SNX19: variants seen among roughly 807,000 people sequenced by gnomAD.
SNX19 encodes sorting nexin 19.
Under a neutral mutation model 85.2 loss-of-function variants are expected in SNX19, and 60 were observed. The observed-to-expected ratio is 0.70, with a 90% CI of 0.57 to 0.87. The LOEUF is 0.87. SNX19 is among the 40% of genes least tolerant of loss of function. The pLI, the probability that SNX19 is intolerant of heterozygous loss-of-function variation, is 0.00. For missense variants in SNX19, 1,201 were observed against 1,217.8 expected (o/e 0.99, Z 0.21); for synonymous variants, 520 against 470.0 (o/e 1.11, Z -1.38).
rs934876908 is a variant in SNX19, at chr11:130,867,095, T to C, written c.*11327A>G. 2 of 152,222 alleles carry C rather than the reference T, an allele frequency of 1.3e-5. No homozygotes were observed. The highest frequency in any genetic ancestry group is 2.1e-4 in the South Asian group (1 of 4,830). 9.4% of individuals were successfully genotyped at this position (152,222 alleles called of 1,614,324 possible). On this transcript the variant is annotated 3_prime_UTR_variant, in exon 11 of 11. Coordinates refer to ENST00000265909, the MANE Select transcript of SNX19 (RefSeq NM_014758.3). ...TGGTTGGTTGTCGGCATAACCCATG[T>C]TCTTAATCCCCGTGCTGCTGCCTCC... is the stretch of plus-strand genomic sequence containing the variant.
At chr11:130,891,104 G>T (rs7119794) in intron 8 of SNX19, among the ~76,000 whole-genome samples, 90,977 of 152,008 alleles carry the variant, frequency 0.6, 27,654 homozygotes, top group South Asian at 0.73. Flanking sequence ...CATGCTTACA[G>T]AGGAAGACAA....
At chr11:130,913,501 T>C (rs1592380221) in intron 1 of SNX19, among the ~76,000 whole-genome samples, 1 of 152,360 alleles carries the variant, frequency 6.6e-6, no homozygotes, top group East Asian at 1.9e-4. Flanking sequence ...AGGAAGGTCT[T>C]TTCCCTCTTA....
intron 5 of SNX19, 51 bp from the exon 6 acceptor site, chr11:130,906,772 C>T (rs376609697): frequency 8.3e-5 from 106 of 1,283,776 alleles, no homozygotes; most frequent in Non-Finnish European, 1.1e-4. Flanking sequence ...GGCCTTGAGC[C>T]TCACACTAAG....
At chr11:130,898,469 G>A (rs1025772410) in intron 8 of SNX19, among the ~76,000 whole-genome samples, 1 of 152,110 alleles carries the variant, frequency 6.6e-6, no homozygotes, top group Admixed American at 6.5e-5. Flanking sequence ...TTTTAAGCAC[G>A]GAACTTAAAG....
At chr11:130,899,081 C>A (rs1187181300) in intron 8 of SNX19, among the ~76,000 whole-genome samples, 5 of 152,160 alleles carry the variant, frequency 3.3e-5, no homozygotes, top group Admixed American at 3.3e-4. Flanking sequence ...GGTCATAGTA[C>A]CGCTTTCGCA....
At chr11:130,912,586 G>A (rs531546518) in intron 1 of SNX19, among the ~76,000 whole-genome samples, 129 of 152,254 alleles carry the variant, frequency 8.5e-4, no homozygotes, top group African/African-American at 2.7e-3. Flanking sequence ...ATTATTTTTC[G>A]GTTGAGGTAT....
rs563125994 is a variant in SNX19, at chr11:130,889,197, A to G, written c.2574-8391T>C. 3.9e-5 allele frequency among the ~76,000 whole-genome samples: 6 copies of G among 152,112 alleles called. No individual in the cohort carries two copies. In the South Asian group the frequency reaches 1.2e-3, roughly 32 times the overall value. ...GGACCCTGTTCTTACTAGTTCTATT[A>G]CTACTATTTTTGCATTGTTCAGTAT... On this transcript the variant is annotated intron_variant, in intron 8 of 10. Transcript: ENST00000265909.
At chr11:130,901,731 G>T (rs902038476) in intron 8 of SNX19, 1 of 152,084 alleles carries the variant, frequency 6.6e-6, no homozygotes, top group Non-Finnish European at 1.5e-5. Flanking sequence ...GTTACCTAGA[G>T]CCCCAGTATA....
At chr11:130,899,237 C>T (rs547083068) in intron 8 of SNX19, among the ~76,000 whole-genome samples, 51 of 152,260 alleles carry the variant, frequency 3.3e-4, no homozygotes, top group African/African-American at 1.1e-3. Flanking sequence ...CTGATGCTGA[C>T]GAGATTATCA....
rs568995852 is a variant in SNX19, at chr11:130,900,056, G to C, written c.2573+3199C>G. On this transcript the variant is annotated intron_variant, in intron 8 of 10. Coordinates refer to ENST00000265909, the MANE Select transcript of SNX19 (RefSeq NM_014758.3). Reference sequence around the variant, plus strand: ...TCACCAGACTTTACCCAGCTCACTGGAGTTGTGGTTGTAGTTGGGGAGTGT... The same window carrying C: ...TCACCAGACTTTACCCAGCTCACTGCAGTTGTGGTTGTAGTTGGGGAGTGT... Among the ~76,000 whole-genome samples, 90 of 152,342 alleles carry C rather than the reference G, an allele frequency of 5.9e-4. 1 individual carries two copies. Among genetic ancestry groups the C allele is most frequent in the African/African-American group, 1.1e-3 (46 of 41,580 alleles).
chr11:130,884,727 G>C (rs1221378917), intron 8 of SNX19, among the ~76,000 whole-genome samples: 1 of 151,794 alleles, frequency 6.6e-6, no homozygotes, highest in Non-Finnish European at 1.5e-5. Context: ...AAAATTAGCT[G>C]GGCACGGTGG....
chr11:130,902,427 T>C (rs1481438968), intron 8 of SNX19, among the ~76,000 whole-genome samples: 1 of 152,238 alleles, frequency 6.6e-6, no homozygotes, highest in African/African-American at 2.4e-5. Context: ...TTCTTTTTTA[T>C]AAGGATGTAT....
chr11:130,893,857 T>C (rs1944677946), intron 8 of SNX19: 1 of 701,128 alleles, frequency 1.4e-6, no homozygotes, highest in South Asian at 1.5e-5. Flanking sequence ...AGAGCTAAAG[T>C]ATATTTCCCA....
chr11:130,878,662 A>T, intron 10 of SNX19, 108 bp from the exon 11 acceptor site: 1 of 1,324,584 alleles, frequency 7.5e-7, no homozygotes, highest in Non-Finnish European at 1.0e-6. Context: ...CTAAACTTCA[A>T]TAGCTTGATG....
At chr11:130,896,050 A>G (rs1944853835) in intron 8 of SNX19, among the ~76,000 whole-genome samples, 1 of 152,230 alleles carries the variant, frequency 6.6e-6, no homozygotes, top group Non-Finnish European at 1.5e-5. Flanking sequence ...TCAATGAGAA[A>G]AATTAATTTC....
At chr11:130,898,518 G>T (rs1044614190) in intron 8 of SNX19, among the ~76,000 whole-genome samples, 1 of 152,142 alleles carries the variant, frequency 6.6e-6, no homozygotes, top group Non-Finnish European at 1.5e-5. Flanking sequence ...ATATGGCTCA[G>T]CTACCCGTGG....
At chr11:130,897,001 AC>A (rs1944920187) in intron 8 of SNX19, among the ~76,000 whole-genome samples, 1 of 151,858 alleles carries the variant, frequency 6.6e-6, no homozygotes, top group South Asian at 2.1e-4. Flanking sequence ...TTCATGGTCA[AC>A]CTTTCCCAAC....
chr11:130,887,263 TAAGG>T (rs528839547), intron 8 of SNX19, among the ~76,000 whole-genome samples: 2 of 152,190 alleles, frequency 1.3e-5, no homozygotes, highest in Non-Finnish European at 2.9e-5. Flanking sequence ...GAAGGATTCT[TAAGG>T]AAGGAACTTC....
In SNX19 at chr11:130,875,700, C is replaced by T. The variant is rs1382262270; in HGVS notation, c.*2722G>A. Reference sequence around the variant, plus strand: ...CACACACTGGGGCCTGTTGTGAGGTCGGGGGAGGGGGAAGGGATAGCATCA... The same window carrying T: ...CACACACTGGGGCCTGTTGTGAGGTTGGGGGAGGGGGAAGGGATAGCATCA... On this transcript the variant is annotated 3_prime_UTR_variant, in exon 11 of 11. Coordinates refer to ENST00000265909, the MANE Select transcript of SNX19 (RefSeq NM_014758.3). The T allele has an allele frequency of 2.1e-5, 2 of 96,018 alleles. No homozygotes were observed. The highest frequency in any genetic ancestry group is 3.6e-4 in the South Asian group (1 of 2,798). 5.9% of individuals were successfully genotyped at this position (96,018 alleles called of 1,614,324 possible).
Sources: allele counts gnomAD v4.1 joint callset (sites outside exome capture counted in the v4.1 genomes callset), GRCh38; gene constraint gnomAD v4.1.1; transcripts MANE v1.5; gene names NCBI Gene and HGNC (gene_info 2026-07-23, HGNC 2026-07-21).